Variants in RYR3 observed in about 807,000 individuals in gnomAD.
RYR3 encodes the protein ryanodine receptor 3, also known as brain ryanodine receptor-calcium release channel.
A neutral mutation model predicts 584.3 loss-of-function variants in RYR3; 207 were observed. That is an observed-to-expected ratio of 0.35 (90% CI 0.32 to 0.40). The LOEUF is 0.40. RYR3 is among the 10% of genes least tolerant of loss of function. The pLI, the probability that RYR3 is intolerant of heterozygous loss-of-function variation, is 1.00. For synonymous variants in RYR3, 2,416 were observed against 2,248.5 expected (o/e 1.07, Z -2.11); for missense variants, 5,616 against 6,089.2 (o/e 0.92, Z 2.59).
At position 33,854,398 on chromosome 15, in the gene RYR3, C is replaced by T. The variant is rs2079427018; in HGVS notation, c.13809C>T (p.Ser4603=). 2 of 1,573,730 alleles carry T rather than the reference C, an allele frequency of 1.3e-6. No individual in the cohort carries two copies. The highest frequency in any genetic ancestry group is 2.7e-5 in the African/African-American group (2 of 73,888). ...EAASLVSWLS[S]IDMKYHIWKL... ...ACTTGTTCTTCTCTAGGCTAAGTTC[C>T]ATAGACATGAAGTACCATATCTGGA... The change falls in exon 97 of 104, where the codon TCC becomes TCT. Residue 4603 remains serine (S), a synonymous_variant. Transcript: ENST00000634891.
At chr15:33,425,853 A>C (rs375723010) in intron 1 of RYR3, among the ~76,000 whole-genome samples, 1 of 152,024 alleles carries the variant, frequency 6.6e-6, no homozygotes, top group African/African-American at 2.4e-5. Context: ...CGTGTTAGCC[A>C]GGATGGTCTC....
intron 8 of RYR3, 145 bp downstream of exon 8, chr15:33,543,860 G>A: frequency 5.9e-6 from 4 of 674,248 alleles, no homozygotes; most frequent in Non-Finnish European, 8.0e-6. Flanking sequence ...GTTCCGGTTT[G>A]TAAAACAGGA....
chr15:33,707,385 A>T (rs1046864771), intron 43 of RYR3, among the ~76,000 whole-genome samples: 1 of 152,218 alleles, frequency 6.6e-6, no homozygotes, highest in Non-Finnish European at 1.5e-5. Context: ...CCTGTTTCAC[A>T]GAGCTAAATG....
chr15:33,797,116 G>A (rs948527094), intron 67 of RYR3, among the ~76,000 whole-genome samples: 2 of 152,260 alleles, frequency 1.3e-5, no homozygotes, highest in South Asian at 4.2e-4. Context: ...GTTGGATGGA[G>A]CTGAGGGATG....
intron 2 of RYR3, among the ~76,000 whole-genome samples, chr15:33,488,527 A>G (rs1313640147): frequency 1.3e-5 from 2 of 148,890 alleles, no homozygotes; most frequent in East Asian, 4.0e-4. Context: ...ATAAAATGGT[A>G]TATTGTGTTT....
In RYR3 at chr15:33,425,921, C is replaced by T. The variant is rs543982865; in HGVS notation, c.52-47498C>T. 5.3e-5 allele frequency among the ~76,000 whole-genome samples: 8 copies of T among 152,274 alleles called. No individual in the cohort carries two copies. In the East Asian group the frequency reaches 5.8e-4, roughly 11 times the overall value. On this transcript the variant is annotated intron_variant, in intron 1 of 103. Transcript: ENST00000634891. ...CCTCCCAAAGTGCTCGGATTACAGG[C>T]ATGAGCCACCGCGCCTGGACTGTTT...
chr15:33,857,725 T>C (rs1003758029), intron 98 of RYR3, 55 bp from the exon 99 acceptor site: 2 of 1,606,782 alleles, frequency 1.2e-6, no homozygotes, highest in Non-Finnish European at 1.7e-6. Flanking sequence ...CCTGTGAACC[T>C]TTCAAGGTAG....
At chr15:33,464,503 TACATAC>T (rs1414571941) in intron 1 of RYR3, among the ~76,000 whole-genome samples, 1 of 105,942 alleles carries the variant, frequency 9.4e-6, no homozygotes, top group South Asian at 3.0e-4. Context: ...CATATATATA[TACATAC>T]ACATACACAT....
intron 1 of RYR3, among the ~76,000 whole-genome samples, chr15:33,394,698 G>A (rs2042199077): frequency 6.6e-6 from 1 of 152,198 alleles, no homozygotes; most frequent in South Asian, 2.1e-4. Flanking sequence ...AAATGATGCT[G>A]TATAGAAGAG....
At chr15:33,789,545 G>A (rs1404283529) in intron 67 of RYR3, among the ~76,000 whole-genome samples, 1 of 138,458 alleles carries the variant, frequency 7.2e-6, no homozygotes, top group Non-Finnish European at 1.5e-5. Flanking sequence ...CTGGATGATT[G>A]TAGTTTCACA....
In RYR3 at chr15:33,646,804, G is replaced by A. The variant is rs554375466; in HGVS notation, c.3941+278G>A. ...TGAACTCTGAGCCCCTACCTTCCTT[G>A]CTGCCCACAATTCCTGTGTTTTGTG... is the stretch of plus-strand genomic sequence containing the variant. On this transcript the variant is annotated intron_variant, in intron 29 of 103. Transcript: ENST00000634891. Among the ~76,000 whole-genome samples the A allele has an allele frequency of 4.5e-4, 68 of 152,284 alleles. 1 individual carries two copies. In the South Asian group the frequency reaches 0.014, roughly 31 times the overall value.
At chr15:33,839,900 G>A (rs1476080888) in intron 89 of RYR3, 1 of 152,120 alleles carries the variant, frequency 6.6e-6, no homozygotes, top group African/African-American at 2.4e-5. Flanking sequence ...CCAAAACCTA[G>A]AATACAGTTT....
intron 1 of RYR3, among the ~76,000 whole-genome samples, chr15:33,444,194 T>C (rs758663177): frequency 3.3e-5 from 5 of 152,232 alleles, no homozygotes; most frequent in Non-Finnish European, 5.9e-5. Flanking sequence ...GCCAAGAGGC[T>C]GTCACAGACC....
At chr15:33,375,402 CG>C (rs1296238029) in intron 1 of RYR3, among the ~76,000 whole-genome samples, 1 of 152,042 alleles carries the variant, frequency 6.6e-6, no homozygotes, top group African/African-American at 2.4e-5. Flanking sequence ...TGGATTGAGA[CG>C]GGGAGAGATA....
At chr15:33,324,758 A>G (rs539371885) in intron 1 of RYR3, among the ~76,000 whole-genome samples, 3 of 152,270 alleles carry the variant, frequency 2.0e-5, no homozygotes, top group Non-Finnish European at 2.9e-5. Context: ...TGCTCACCTC[A>G]CTCAACTCTC....
In RYR3 at chr15:33,860,667, T is replaced by G. The variant is rs1263576685; in HGVS notation, c.14364+8T>G. The G allele has an allele frequency of 6.4e-7, 1 of 1,556,852 alleles. No individual in the cohort carries two copies. The highest frequency in any genetic ancestry group is 2.3e-5 in the East Asian group (1 of 44,034). ...GTACGAGAAGATATGGAGGTAATGT[T>G]ACTCTAACTACTAATCCCAGCTCTA... On this transcript the variant is annotated splice_region_variant and intron_variant, in intron 101 of 103. Coordinates refer to ENST00000634891, the MANE Select transcript of RYR3 (RefSeq NM_001036.6).
intron 10 of RYR3, among the ~76,000 whole-genome samples, chr15:33,553,432 A>T (rs2056833405): frequency 6.6e-6 from 1 of 152,184 alleles, no homozygotes; most frequent in South Asian, 2.1e-4. Flanking sequence ...GGAAGATGGC[A>T]GGTGCCCCAG....
At position 33,762,044 on chromosome 15, in the gene RYR3, G is replaced by A. The variant is rs1040384137; in HGVS notation, c.8705+4448G>A. On this transcript the variant is annotated intron_variant, in intron 60 of 103. Coordinates refer to ENST00000634891, the MANE Select transcript of RYR3 (RefSeq NM_001036.6). ...CTCAATAGACTCAGAAAAGGCCTTC[G>A]ATAAAATTCAACACCCCTTCATGCT... Among the ~76,000 whole-genome samples, 4 of 152,082 alleles carry A rather than the reference G, an allele frequency of 2.6e-5. No individual in the cohort carries two copies. In the East Asian group the frequency reaches 5.8e-4, roughly 22 times the overall value.
At chr15:33,544,239 G>A (rs557104299) in intron 8 of RYR3, among the ~76,000 whole-genome samples, 1 of 152,144 alleles carries the variant, frequency 6.6e-6, no homozygotes, top group Non-Finnish European at 1.5e-5. Flanking sequence ...TGGAGGATAT[G>A]AATCCAAGTC....
Sources: gnomAD v4.1 joint callset for allele counts (sites outside exome capture counted in the v4.1 genomes callset) on GRCh38, gnomAD v4.1.1 for gene constraint, MANE v1.5 for transcripts, NCBI Gene and HGNC (gene_info 2026-07-23, HGNC 2026-07-21) for gene names.